The following NAA15 variants were observed in gnomAD, a reference collection of about 807,000 sequenced individuals.
The protein encoded by NAA15 is N-terminal acetyltransferase.
Under a neutral mutation model 114.0 loss-of-function variants are expected in NAA15, and 34 were observed. That is an observed-to-expected ratio of 0.30 (90% CI 0.23 to 0.40). NAA15 has a LOEUF of 0.40. Ranked by LOEUF, NAA15 falls within the 10% of genes least tolerant of loss-of-function variation. The pLI, the probability that NAA15 is intolerant of heterozygous loss-of-function variation, is 1.00. For synonymous variants in NAA15, 340 were observed against 338.0 expected (o/e 1.01, Z -0.06); for missense variants, 658 against 1,004.5 (o/e 0.66, Z 4.66).
intron 3 of NAA15, among the ~76,000 whole-genome samples, chr4:139,340,362 T>G (rs1366166906): frequency 1.3e-5 from 2 of 152,138 alleles, no homozygotes; most frequent in East Asian, 3.8e-4. Flanking sequence ...GTTAAATGAA[T>G]GAATGTTTTT....
At position 139,315,051 on chromosome 4, in the gene NAA15, G is replaced by GTTAGTTTAGTTTAGTTTAGTTTAGT. The variant is rs770420396; in HGVS notation, c.54+13223_54+13247dup. Among the ~76,000 whole-genome samples, 154 of 112,444 alleles carry GTTAGTTTAGTTTAGTTTAGTTTAGT rather than the reference G, an allele frequency of 1.4e-3. 12 individuals carry two copies. Among genetic ancestry groups the GTTAGTTTAGTTTAGTTTAGTTTAGT allele is most frequent in the African/African-American group, 4.7e-3 (139 of 29,464 alleles). 73.8% of individuals were successfully genotyped at this position (112,444 alleles called of 152,430 possible). A position where few individuals can be genotyped will look rare whatever the true frequency, so the allele number is the denominator to read the frequency against. ...GTTAGGTTAGGTTAGGTTAGGTTAG[G>GTTAGTTTAGTTTAGTTTAGTTTAGT]TTAGTTTAGTTTAGTTTAGTTTAGT... On this transcript the variant is annotated intron_variant, in intron 1 of 19. Coordinates refer to ENST00000296543, the MANE Select transcript of NAA15 (RefSeq NM_057175.5).
At chr4:139,370,541 ATTCT>A in intron 15 of NAA15, 137 bp downstream of exon 15, 1 of 726,424 alleles carries the variant, frequency 1.4e-6, no homozygotes, top group Non-Finnish European at 2.0e-6. Context: ...ATTTTTTAGT[ATTCT>A]TTCTTTAATA....
intron 11 of NAA15, among the ~76,000 whole-genome samples, chr4:139,357,758 C>T (rs1748003477): frequency 1.3e-5 from 2 of 152,176 alleles, no homozygotes; most frequent in Non-Finnish European, 2.9e-5. Context: ...TATCCGTATA[C>T]ACACACATAC....
At chr4:139,349,768 T>A (rs1420695301) in intron 7 of NAA15, among the ~76,000 whole-genome samples, 187 bp downstream of exon 7, 1 of 152,132 alleles carries the variant, frequency 6.6e-6, no homozygotes, top group Non-Finnish European at 1.5e-5. Context: ...ATGGATTGCC[T>A]GAGCTCAGGA....
intron 6 of NAA15, among the ~76,000 whole-genome samples, chr4:139,346,553 A>T (rs143354139): frequency 1.1e-3 from 165 of 150,832 alleles, no homozygotes; most frequent in African/African-American, 3.0e-3. Flanking sequence ...GCAAAAAAAA[A>T]ATTTTTTTTT....
At chr4:139,383,704 C>T (rs975390797) in intron 17 of NAA15, among the ~76,000 whole-genome samples, 1 of 152,160 alleles carries the variant, frequency 6.6e-6, no homozygotes, top group Admixed American at 6.5e-5. Context: ...CTCCTGACCT[C>T]AAGTGATCCA....
In NAA15 at chr4:139,351,259, A is replaced by G. The variant is rs1483000309; in HGVS notation, c.880A>G (p.Arg294Gly). The G allele has an allele frequency of 5.6e-6, 9 of 1,609,960 alleles. No homozygotes were observed. Among genetic ancestry groups the G allele is most frequent in the Non-Finnish European group, 7.6e-6 (9 of 1,177,676 alleles). ...WTKYPRGLVP[R>G]RLPLNFLSGE... Reference sequence around the variant, plus strand: ...TAAATATCCCAGGGGACTGGTGCCAAGAAGGCTGCCGTTAAACTTTTTATC... The same window carrying G: ...TAAATATCCCAGGGGACTGGTGCCAGGAAGGCTGCCGTTAAACTTTTTATC... The change falls in exon 8 of 20, where the codon AGA (arginine) becomes GGA (glycine). Residue 294 changes from arginine (R) to glycine (G), a missense_variant. Around this residue, in one of 6 missense-constraint regions of NAA15, gnomAD observed 281 missense variants for 389.1 expected, o/e 0.72. Transcript: ENST00000296543.
Position 139,361,922 on chromosome 4 carries a change from C to T in NAA15, c.1738C>T (p.His580Tyr). The T allele has an allele frequency of 2.5e-6, 4 of 1,610,296 alleles. No homozygotes were observed. Among genetic ancestry groups the T allele is most frequent in the Non-Finnish European group, 3.4e-6 (4 of 1,178,048 alleles). ...CCCCCTTACAGATGAGAATAAAGAACACGAAGCTGATACAGGTATAATATT... is the reference window on the plus strand; with the variant it reads ...CCCCCTTACAGATGAGAATAAAGAATACGAAGCTGATACAGGTATAATATT... ...DNPLTDENKE[H>Y]EADTANMSDK... Residue 580 changes from histidine to tyrosine, a missense_variant, in exon 14 of 20, where the codon CAC (histidine) becomes TAC (tyrosine). Physicochemically the swap from His to Tyr is moderately conservative, Grantham distance 83. Transcript: ENST00000296543.
chr4:139,376,438 C>T lies in NAA15; in HGVS notation c.2021C>T (p.Thr674Ile). 3 of 1,612,656 alleles carry T rather than the reference C, an allele frequency of 1.9e-6. No homozygotes were observed. Among genetic ancestry groups the T allele is most frequent in the Non-Finnish European group, 2.5e-6 (3 of 1,178,900 alleles). The change falls in exon 16 of 20, where the codon ACT becomes ATT. Residue 674 changes from threonine to isoleucine, a missense_variant. Around this residue, in one of 6 missense-constraint regions of NAA15, gnomAD observed 275 missense variants for 371.1 expected, o/e 0.74. Transcript: ENST00000296543. ...AACTTGGTGAAGAACAAGATAGAGA[C>T]TCATCTTTTTGCCTTTGAGATTTAC... is the stretch of plus-strand genomic sequence containing the variant. ...LKNLVKNKIE[T>I]HLFAFEIYFR...
At chr4:139,319,218 C>T (rs111734246) in intron 1 of NAA15, among the ~76,000 whole-genome samples, 9,509 of 152,226 alleles carry the variant, frequency 0.062, 980 homozygotes, top group African/African-American at 0.22. Flanking sequence ...CGTTTAAACC[C>T]GTGAGGCGGG....
At chr4:139,326,541 A>G (rs984784766) in intron 1 of NAA15, among the ~76,000 whole-genome samples, 3 of 152,210 alleles carry the variant, frequency 2.0e-5, no homozygotes, top group African/African-American at 7.2e-5. Flanking sequence ...GTATAGAGTC[A>G]CTGTTTGAAA....
At chr4:139,370,173 A>G (rs768900848) in intron 14 of NAA15, 38 bp from the exon 15 acceptor site, 2 of 1,402,310 alleles carry the variant, frequency 1.4e-6, no homozygotes, top group African/African-American at 1.5e-5. Context: ...TCTGATTAAC[A>G]TGCTTGTTAA....
At chr4:139,348,181 C>T (rs1008465175) in intron 6 of NAA15, among the ~76,000 whole-genome samples, 6 of 152,114 alleles carry the variant, frequency 3.9e-5, no homozygotes, top group South Asian at 2.1e-4. Flanking sequence ...TGGCCGGGCA[C>T]GGTGACTCAC....
intron 3 of NAA15, among the ~76,000 whole-genome samples, chr4:139,340,599 T>C (rs1228769170): frequency 6.6e-6 from 1 of 152,204 alleles, no homozygotes; most frequent in Non-Finnish European, 1.5e-5. Context: ...TCCCATTTAG[T>C]TGTCAGTAGT....
intron 18 of NAA15, among the ~76,000 whole-genome samples, chr4:139,385,281 ATAATATAT>A (rs1221259080): frequency 8.3e-6 from 1 of 121,206 alleles, no homozygotes; most frequent in African/African-American, 4.2e-5. Context: ...ATATATATAT[ATAATATAT>A]ATATATATAT....
chr4:139,316,339 A>C (rs1258890432), intron 1 of NAA15, among the ~76,000 whole-genome samples: 1 of 151,528 alleles, frequency 6.6e-6, no homozygotes, highest in African/African-American at 2.4e-5. Context: ...TTTCACATCT[A>C]TTTCTTTTTC....
intron 16 of NAA15, among the ~76,000 whole-genome samples, chr4:139,377,121 A>C (rs1235059740): frequency 2.6e-5 from 4 of 152,240 alleles, no homozygotes; most frequent in Non-Finnish European, 1.5e-5. Flanking sequence ...CACAAAGGTG[A>C]TGCATATTAA....
chr4:139,304,553 G>A (rs963278798), intron 1 of NAA15, among the ~76,000 whole-genome samples: 1 of 152,160 alleles, frequency 6.6e-6, no homozygotes, highest in Non-Finnish European at 1.5e-5. Context: ...TAACCTATGC[G>A]AATGTATACT....
At chr4:139,323,095 C>T (rs1746679135) in intron 1 of NAA15, among the ~76,000 whole-genome samples, 1 of 119,474 alleles carries the variant, frequency 8.4e-6, no homozygotes. Context: ...TTGCTCTTGT[C>T]ACCCAGGCTG....
Sources: gnomAD v4.1 joint callset for allele counts (sites outside exome capture counted in the v4.1 genomes callset) on GRCh38, gnomAD v4.1.1 for gene constraint, gnomAD v4.1.1 regional missense constraint, MANE v1.5 for transcripts, NCBI Gene and HGNC (gene_info 2026-07-23, HGNC 2026-07-21) for gene names.